The following ZFP64 variants were observed in gnomAD, a reference collection of about 807,000 sequenced individuals.
ZFP64 encodes ZFP64 zinc finger protein.
A neutral mutation model predicts 51.6 loss-of-function variants in ZFP64; 14 were observed. That is an observed-to-expected ratio of 0.27 (90% CI 0.18 to 0.42). ZFP64 has a LOEUF of 0.42. Among genes scored for constraint, ZFP64 ranks in the 10% least tolerant of loss-of-function variants. ZFP64 has a pLI of 1.00. For missense variants in ZFP64, 754 were observed against 906.8 expected (o/e 0.83, Z 2.16); for synonymous variants, 375 against 361.4 (o/e 1.04, Z -0.43).
chr20:52,101,578 GTT>G (rs2079050889), intron 5 of ZFP64, among the ~76,000 whole-genome samples: 1 of 151,602 alleles, frequency 6.6e-6, no homozygotes, highest in South Asian at 2.1e-4. Context: ...ATTTTTTGTA[GTT>G]TTGTTTTTAT....
chr20:52,143,006 G>A (rs1235514256), intron 5 of ZFP64, among the ~76,000 whole-genome samples: 1 of 142,546 alleles, frequency 7.0e-6, no homozygotes, highest in Non-Finnish European at 1.6e-5. Flanking sequence ...TCAGCAAAAT[G>A]ACTGCAACTT....
intron 8 of ZFP64, chr20:52,088,323 G>A: frequency 6.3e-7 from 1 of 1,580,814 alleles, no homozygotes; most frequent in Non-Finnish European, 8.6e-7. Context: ...TGCTTGTGTT[G>A]TTAAGTAAAT....
At chr20:52,166,165 C>T in intron 2 of ZFP64, 140 bp from the exon 3 acceptor site, 2 of 812,394 alleles carry the variant, frequency 2.5e-6, no homozygotes, top group Non-Finnish European at 3.7e-6. Flanking sequence ...GATCATGTGA[C>T]CCAGTTCTAG....
intron 2 of ZFP64, among the ~76,000 whole-genome samples, chr20:52,176,446 C>T (rs1049171903): frequency 1.1e-4 from 17 of 152,138 alleles, no homozygotes; most frequent in Non-Finnish European, 2.2e-4. Flanking sequence ...TCCAACAAGC[C>T]CTTTGAGCTG....
intron 2 of ZFP64, among the ~76,000 whole-genome samples, chr20:52,173,878 G>A (rs1982959319): frequency 1.3e-5 from 2 of 152,010 alleles, no homozygotes; most frequent in African/African-American, 4.8e-5. Context: ...TTGAACTCCC[G>A]ACCTCAAGTA....
chr20:52,104,818 C>T (rs778892459), intron 5 of ZFP64: 1 of 615,206 alleles, frequency 1.6e-6, no homozygotes, highest in Non-Finnish European at 3.1e-6. Flanking sequence ...CTCGGGTGCC[C>T]GCGCATCCCG....
intron 6 of ZFP64, among the ~76,000 whole-genome samples, chr20:52,098,171 C>CAAAAAAAAAAAAAAAAA (rs1296269177): frequency 1.9e-5 from 1 of 51,636 alleles, no homozygotes; most frequent in Non-Finnish European, 3.4e-5. Context: ...GAAACTGTCT[C>CAAAAAAAAAAAAAAAAA]CAAAAAAAAA....
At chr20:52,102,130 G>GCA (rs1389638100) in intron 5 of ZFP64, among the ~76,000 whole-genome samples, 2 of 103,054 alleles carry the variant, frequency 1.9e-5, no homozygotes, top group African/African-American at 8.1e-5. Context: ...AAAAAAGGCA[G>GCA]CAGTCTCAGG....
chr20:52,160,416 T>G lies in ZFP64; in HGVS notation c.512-42A>C. On this transcript the variant is annotated intron_variant, in intron 4 of 5. Coordinates refer to ENST00000216923, the MANE Select transcript of ZFP64 (RefSeq NM_018197.3). This position sits in a 1 kb window ranked among gnomAD's most constrained non-coding sequence, Gnocchi z 4.2. ...ACACAGATGGCAGCAGGAAACAAGA[T>G]TAAAAAAGGAAAAGGCTTATTTCCC... 6.4e-7 allele frequency: 1 copy of G among 1,556,030 alleles called. No homozygotes were observed. Among genetic ancestry groups the G allele is most frequent in the Non-Finnish European group, 8.7e-7 (1 of 1,152,954 alleles).
At position 52,152,018 on chromosome 20, in the gene ZFP64, CAG is replaced by C; in HGVS notation, c.*126_*127del. On this transcript the variant is annotated 3_prime_UTR_variant, in exon 6 of 6. Coordinates refer to ENST00000216923, the MANE Select transcript of ZFP64 (RefSeq NM_018197.3). ...CGCCACTGCACTCCAGCCTGGGAAA[CAG>C]AGCGAGACTCCGTCTCAAAAACAAA... 2 of 1,442,302 alleles carry C rather than the reference CAG, an allele frequency of 1.4e-6. No homozygotes were observed. Among genetic ancestry groups the C allele is most frequent in the South Asian group, 1.5e-5 (1 of 66,850 alleles). The allele number at this position is 1,442,302 out of a possible 1,614,324, so 89.3% of individuals were successfully genotyped here.
exon 8 of ZFP64, chr20:52,088,542 A>G: frequency 1.2e-6 from 2 of 1,614,196 alleles, no homozygotes; most frequent in Non-Finnish European, 8.5e-7. Flanking sequence ...CACAGGTGAC[A>G]CTTGTGTGGC....
At chr20:52,084,917 G>C (rs556510842) in exon 9 of ZFP64, 2 of 1,613,742 alleles carry the variant, frequency 1.2e-6, no homozygotes, top group East Asian at 2.2e-5. Context: ...AGCTGCAGAA[G>C]TCACACTTGA....
chr20:52,156,868 T>G (rs1027827534), intron 5 of ZFP64, among the ~76,000 whole-genome samples: 1 of 152,096 alleles, frequency 6.6e-6, no homozygotes, highest in African/African-American at 2.4e-5. Context: ...AATAAAGAGA[T>G]AAATTCTAGG....
intron 8 of ZFP64, chr20:52,088,257 C>T (rs2078885044): frequency 7.2e-7 from 1 of 1,385,142 alleles, no homozygotes; most frequent in Non-Finnish European, 9.8e-7. Flanking sequence ...ACAAATCTCA[C>T]AATTATCACA....
intron 2 of ZFP64, among the ~76,000 whole-genome samples, chr20:52,168,409 T>A (rs570151984): frequency 1.3e-5 from 2 of 152,338 alleles, no homozygotes; most frequent in East Asian, 3.9e-4. Flanking sequence ...TGCTTGGTTC[T>A]CAAAGCATGG....
rs1600746880 is a variant in ZFP64, at chr20:52,142,770, G to A, written c.763+17353C>T. 1.5e-5 allele frequency among the ~76,000 whole-genome samples: 2 copies of A among 133,010 alleles called. 1 individual carries two copies. The highest frequency in any genetic ancestry group is 5.3e-4 in the East Asian group (2 of 3,758). 87.3% of individuals were successfully genotyped at this position (133,010 alleles called of 152,430 possible). A position where few individuals can be genotyped will look rare whatever the true frequency, so the allele number is the denominator to read the frequency against. On this transcript the variant is annotated intron_variant, in intron 5 of 8. Coordinates refer to the ZFP64 transcript ENST00000361387. ...CAGGAGAATTGCTTGAACCCAGGAG[G>A]CGGAGGTTGTAGTGAGTTGAGATCA...
rs34646115 is a variant in ZFP64 at position 52,102,107 on chromosome 20, C to CAAAA, written c.764-3524_764-3521dup. ...AGCCTGGTGAGAGTAACTCCATCTC[C>CAAAA]AAAAAAAAAAAAAAAAAAGGCAGCA... On this transcript the variant is annotated intron_variant, in intron 5 of 8. Coordinates refer to the ZFP64 transcript ENST00000361387. Among the ~76,000 whole-genome samples, 67 of 63,420 alleles carry CAAAA rather than the reference C, an allele frequency of 1.1e-3. 4 individuals are homozygous for CAAAA. Among genetic ancestry groups the CAAAA allele is most frequent in the Admixed American group, 1.5e-3 (8 of 5,390 alleles). The allele number at this position is 63,420 out of a possible 152,430, so 41.6% of individuals were successfully genotyped here.
rs1250963083 is a variant in ZFP64 at position 52,085,763 on chromosome 20, T to A, written c.1229-497A>T. ...TGTATTTCAAGTTAAAGTTTCTTAC[T>A]TTTATAACTACAGGCTAAATTTTAT... is the stretch of plus-strand genomic sequence containing the variant. On this transcript the variant is annotated intron_variant, in intron 8 of 8. Coordinates refer to the ZFP64 transcript ENST00000361387. This position sits in a 1 kb window ranked among gnomAD's most constrained non-coding sequence, Gnocchi z 4.3. Among the ~76,000 whole-genome samples the A allele has an allele frequency of 6.6e-6, 1 of 152,244 alleles. No individual in the cohort carries two copies. Among genetic ancestry groups the A allele is most frequent in the Non-Finnish European group, 1.5e-5 (1 of 68,044 alleles).
intron 5 of ZFP64, among the ~76,000 whole-genome samples, chr20:52,111,762 C>A (rs1239202437): frequency 1.3e-5 from 2 of 152,048 alleles, no homozygotes; most frequent in African/African-American, 4.8e-5. Flanking sequence ...TAACTAAAAG[C>A]ACAGTTTGGA....
Sources: gnomAD v4.1 joint callset for allele counts (sites outside exome capture counted in the v4.1 genomes callset) on GRCh38, gnomAD v4.1.1 for gene constraint, Gnocchi (gnomAD v3.1) non-coding constraint, MANE v1.5 for transcripts, NCBI Gene and HGNC (gene_info 2026-07-23, HGNC 2026-07-21) for gene names.